The following CRKL variants were observed in gnomAD, a reference collection of about 807,000 sequenced individuals.
CRKL encodes the protein crk-like protein.
CRKL carries 3 observed loss-of-function variants against 23.0 expected under a neutral mutation model. The observed-to-expected ratio is 0.13, with a 90% CI of 0.06 to 0.34. CRKL has a LOEUF of 0.34. Ranked by LOEUF, CRKL falls within the 10% of genes least tolerant of loss-of-function variation. The pLI, the probability that CRKL is intolerant of heterozygous loss-of-function variation, is 1.00. For missense variants in CRKL, 256 were observed against 394.5 expected (o/e 0.65, Z 2.97); for synonymous variants, 188 against 160.7 (o/e 1.17, Z -1.28).
At position 20,949,951 on chromosome 22, in the gene CRKL, G is replaced by A. The variant is rs920559358; in HGVS notation, c.*106G>A. On this transcript the variant is annotated 3_prime_UTR_variant, in exon 3 of 3. Transcript: ENST00000354336. ...AGGCAAGTCACACTGCATTGCCGAAGTCCAGCTTTCTGCAGACTGGCAGTC... is the reference window on the plus strand; with the variant it reads ...AGGCAAGTCACACTGCATTGCCGAAATCCAGCTTTCTGCAGACTGGCAGTC... 6.9e-7 allele frequency: 1 copy of A among 1,442,648 alleles called. No individual in the cohort carries two copies. Among genetic ancestry groups the A allele is most frequent in the South Asian group, 1.4e-5 (1 of 69,152 alleles). The allele number at this position is 1,442,648 out of a possible 1,614,324, so 89.4% of individuals were successfully genotyped here.
intron 2 of CRKL, among the ~76,000 whole-genome samples, chr22:20,939,956 A>AT (rs1036240942): frequency 4.6e-5 from 7 of 151,572 alleles, no homozygotes; most frequent in Admixed American, 4.6e-4. Context: ...CGCCTGGCTA[A>AT]TTTTTTTATT....
chr22:20,953,010 C>A lies in CRKL; in HGVS notation c.*3165C>A, dbSNP rs768597627. 4.3e-6 allele frequency: 1 copy of A among 232,028 alleles called. No individual in the cohort carries two copies. 14.4% of individuals were successfully genotyped at this position (232,028 alleles called of 1,614,324 possible). A position where few individuals can be genotyped will look rare whatever the true frequency, so the allele number is the denominator to read the frequency against. ...TGTCCCTGGCGCTGTGCTAGCTTTC[C>A]TTTACAGCTGTTTACAGACAAGGCA... On this transcript the variant is annotated 3_prime_UTR_variant, in exon 3 of 3. Transcript: ENST00000354336.
intron 1 of CRKL, among the ~76,000 whole-genome samples, chr22:20,925,496 C>T (rs1160926345): frequency 6.6e-6 from 1 of 152,230 alleles, no homozygotes; most frequent in Non-Finnish European, 1.5e-5. Context: ...GTCTGGTCAA[C>T]AGAGCGAGAC....
rs796204860 is a variant in CRKL, at chr22:20,927,842, CAAAAAAAAAAAA to C, written c.312-5924_312-5913del. ...TGGGTAACAGAGCAAGACTCTGTCTCAAAAAAAAAAAAAAAAAAAAAAAAGGAAAAAGAGTAA... is the reference window on the plus strand; with the variant it reads ...TGGGTAACAGAGCAAGACTCTGTCTCAAAAAAAAAAAAGGAAAAAGAGTAA... On this transcript the variant is annotated intron_variant, in intron 1 of 2. Transcript: ENST00000354336. 9.4e-4 allele frequency among the ~76,000 whole-genome samples: 53 copies of C among 56,264 alleles called. No homozygotes were observed. In the East Asian group the frequency reaches 0.027, roughly 29 times the overall value. 36.9% of individuals were successfully genotyped at this position (56,264 alleles called of 152,430 possible).
intron 2 of CRKL, among the ~76,000 whole-genome samples, chr22:20,942,182 C>T (rs990797121): frequency 2.0e-5 from 3 of 152,132 alleles, no homozygotes; most frequent in African/African-American, 7.2e-5. Context: ...AATATTTGTC[C>T]TTTGGGTCTG....
intron 1 of CRKL, among the ~76,000 whole-genome samples, chr22:20,919,722 T>C (rs1920970253): frequency 6.6e-6 from 1 of 152,164 alleles, no homozygotes; most frequent in Non-Finnish European, 1.5e-5. Flanking sequence ...GATACAGTTT[T>C]TCCAGGGTTA....
At chr22:20,925,477 T>C (rs939351768) in intron 1 of CRKL, among the ~76,000 whole-genome samples, 1 of 152,342 alleles carries the variant, frequency 6.6e-6, no homozygotes. Context: ...CCAGCGCCAC[T>C]GCACTCCAGT....
intron 2 of CRKL, among the ~76,000 whole-genome samples, chr22:20,938,676 T>C (rs1168546543): frequency 6.6e-6 from 1 of 152,230 alleles, no homozygotes; most frequent in East Asian, 1.9e-4. Context: ...TGCTTGACTG[T>C]CATGTAATAA....
intron 2 of CRKL, among the ~76,000 whole-genome samples, chr22:20,944,174 A>C (rs1303680517): frequency 8.3e-5 from 8 of 96,808 alleles, no homozygotes; most frequent in African/African-American, 3.4e-4. Flanking sequence ...TTCTTTTATG[A>C]GGCAGGGTCT....
intron 2 of CRKL, among the ~76,000 whole-genome samples, chr22:20,948,984 C>T (rs761387623): frequency 2.6e-5 from 4 of 152,056 alleles, no homozygotes; most frequent in Non-Finnish European, 4.4e-5. Context: ...TTAAAATACA[C>T]CTTTTTGTGT....
In CRKL at chr22:20,917,868, C is replaced by G. The variant is rs1012645212; in HGVS notation, c.-67C>G. ...CTCGGCCCCAAAGCCGTCTGCCGGG[C>G]TAAGGCGTGCAGAGCAGGCGAGGAC... On this transcript the variant is annotated 5_prime_UTR_variant, in exon 1 of 3. Transcript: ENST00000354336. 2 of 1,500,088 alleles carry G rather than the reference C, an allele frequency of 1.3e-6. No individual in the cohort carries two copies. The highest frequency in any genetic ancestry group is 1.4e-5 in the African/African-American group (1 of 72,020). The allele number at this position is 1,500,088 out of a possible 1,614,324, so 92.9% of individuals were successfully genotyped here.
At chr22:20,939,893 A>AT (rs1921807687) in intron 2 of CRKL, among the ~76,000 whole-genome samples, 1 of 148,422 alleles carries the variant, frequency 6.7e-6, no homozygotes, top group Non-Finnish European at 1.5e-5. Context: ...GGTTCAAGTG[A>AT]TTCTCCTGCC....
intron 2 of CRKL, among the ~76,000 whole-genome samples, chr22:20,941,947 G>A (rs1921899512): frequency 6.6e-6 from 1 of 152,088 alleles, no homozygotes; most frequent in South Asian, 2.1e-4. Context: ...TTCAGGCAGG[G>A]CCTGTCCCAT....
intron 2 of CRKL, among the ~76,000 whole-genome samples, chr22:20,944,214 C>T (rs1484044958): frequency 6.8e-6 from 1 of 147,106 alleles, no homozygotes; most frequent in Non-Finnish European, 1.5e-5. Context: ...GTCTCAAACT[C>T]CTGGGCTCAA....
chr22:20,949,650 A>C, intron 2 of CRKL, 61 bp from the exon 3 acceptor site: 1 of 1,599,868 alleles, frequency 6.3e-7, no homozygotes, highest in South Asian at 1.1e-5. Flanking sequence ...TTGTGATTTA[A>C]TGTAAACTGT....
At chr22:20,918,301 G>C in intron 1 of CRKL, 56 bp downstream of exon 1, 2 of 1,576,920 alleles carry the variant, frequency 1.3e-6, no homozygotes, top group Non-Finnish European at 1.7e-6. Context: ...GTCTGTCGAA[G>C]AGTGCTTGTA....
intron 1 of CRKL, among the ~76,000 whole-genome samples, chr22:20,926,937 C>T (rs1021224603): frequency 6.6e-6 from 1 of 151,526 alleles, no homozygotes; most frequent in Non-Finnish European, 1.5e-5. Flanking sequence ...CACAGTGAAA[C>T]CCTGTCTCTA....
rs1922336273 is a variant in CRKL at position 20,953,068 on chromosome 22, G to A, written c.*3223G>A. On this transcript the variant is annotated 3_prime_UTR_variant, in exon 3 of 3. Coordinates refer to ENST00000354336, the MANE Select transcript of CRKL (RefSeq NM_005207.4). ...GGCAGATGGCCACTGCTCTTGTGAT[G>A]TTTGCTCAGAGGAATATGAACATTT... 1 of 232,284 alleles carries A rather than the reference G, an allele frequency of 4.3e-6. No homozygotes were observed. The highest frequency in any genetic ancestry group is 1.8e-4 in the South Asian group (1 of 5,526). 14.4% of individuals were successfully genotyped at this position (232,284 alleles called of 1,614,324 possible). A position where few individuals can be genotyped will look rare whatever the true frequency, so the allele number is the denominator to read the frequency against.
At chr22:20,936,899 GC>G (rs1438644075) in intron 2 of CRKL, among the ~76,000 whole-genome samples, 1 of 149,040 alleles carries the variant, frequency 6.7e-6, no homozygotes, top group Non-Finnish European at 1.5e-5. Context: ...CTCATTTGTT[GC>G]CCAAGCTGGA....
Sources: allele counts gnomAD v4.1 joint callset (sites outside exome capture counted in the v4.1 genomes callset), GRCh38; gene constraint gnomAD v4.1.1; transcripts MANE v1.5; gene names NCBI Gene and HGNC (gene_info 2026-07-23, HGNC 2026-07-21).